The following NKAIN2 variants were observed in gnomAD, a reference collection of about 807,000 sequenced individuals.
NKAIN2 encodes the protein sodium/potassium-transporting ATPase subunit beta-1-interacting protein 2.
In NKAIN2, 14 loss-of-function variants were observed where a neutral mutation model predicts 32.6. The observed-to-expected ratio is 0.43, with a 90% CI of 0.28 to 0.67. NKAIN2 has a LOEUF of 0.67. NKAIN2 is among the 30% of genes least tolerant of loss of function. NKAIN2 has a pLI of 0.17. For missense variants in NKAIN2, 198 were observed against 258.3 expected (o/e 0.77, Z 1.60); for synonymous variants, 80 against 87.2 (o/e 0.92, Z 0.46).
intron 1 of NKAIN2, among the ~76,000 whole-genome samples, chr6:124,159,965 A>C (rs985640736): frequency 2.0e-5 from 3 of 152,152 alleles, no homozygotes; most frequent in African/African-American, 7.2e-5. Context: ...CTTTTTTCTT[A>C]CTACTCCTTT....
At chr6:124,721,744 GC>G (rs1486972518) in intron 4 of NKAIN2, among the ~76,000 whole-genome samples, 4 of 152,026 alleles carry the variant, frequency 2.6e-5, no homozygotes, top group Admixed American at 2.0e-4. Context: ...AGTGGCAATG[GC>G]CCGTTCACCC....
intron 1 of NKAIN2, among the ~76,000 whole-genome samples, chr6:123,978,119 A>G (rs1048273027): frequency 6.6e-6 from 1 of 152,146 alleles, no homozygotes; most frequent in Non-Finnish European, 1.5e-5. Context: ...TAAAAGCTTA[A>G]TTTTTTGGAA....
chr6:124,198,489 T>G (rs907844954), intron 1 of NKAIN2, among the ~76,000 whole-genome samples: 1 of 151,006 alleles, frequency 6.6e-6, no homozygotes, highest in South Asian at 2.1e-4. Context: ...TGAGTGAGAG[T>G]TTCTCTTCTT....
intron 3 of NKAIN2, among the ~76,000 whole-genome samples, chr6:124,533,492 T>A (rs1403246551): frequency 3.0e-3 from 128 of 43,184 alleles, no homozygotes; most frequent in African/African-American, 3.6e-3. Context: ...AAAAAAAAAA[T>A]CCTGCTGATT....
chr6:124,782,052 C>G (rs747407673), intron 4 of NKAIN2, among the ~76,000 whole-genome samples: 19 of 152,106 alleles, frequency 1.2e-4, no homozygotes, highest in Non-Finnish European at 2.5e-4. Flanking sequence ...ACATAAAATA[C>G]CTTTTCATAA....
At chr6:124,569,389 A>G (rs529751843) in intron 3 of NKAIN2, among the ~76,000 whole-genome samples, 1 of 152,172 alleles carries the variant, frequency 6.6e-6, no homozygotes, top group East Asian at 1.9e-4. Context: ...CTAACAGCTT[A>G]TAATGTGTTC....
intron 5 of NKAIN2, among the ~76,000 whole-genome samples, chr6:124,811,387 G>A (rs1780898863): frequency 6.6e-6 from 1 of 152,016 alleles, no homozygotes; most frequent in Admixed American, 6.6e-5. Context: ...TTGCCAACAT[G>A]TATTTAATAA....
chr6:124,238,602 G>A (rs906627032), intron 1 of NKAIN2, among the ~76,000 whole-genome samples: 31 of 152,118 alleles, frequency 2.0e-4, no homozygotes, highest in African/African-American at 7.5e-4. Flanking sequence ...CAACACAGAA[G>A]GCGGGTGATT....
chr6:124,687,200 ATGTATATATG>A (rs1258690971), intron 4 of NKAIN2, among the ~76,000 whole-genome samples: 1 of 146,768 alleles, frequency 6.8e-6, no homozygotes, highest in Non-Finnish European at 1.5e-5. Context: ...TACATATGGA[ATGTATATATG>A]TGTATATATG....
At chr6:124,666,737 G>A (rs755413226) in intron 4 of NKAIN2, among the ~76,000 whole-genome samples, 4 of 151,816 alleles carry the variant, frequency 2.6e-5, no homozygotes, top group African/African-American at 4.8e-5. Context: ...GTCAGATTAC[G>A]TTTAAGATTT....
intron 1 of NKAIN2, among the ~76,000 whole-genome samples, chr6:124,012,237 C>T (rs1237371786): frequency 6.6e-6 from 1 of 151,878 alleles, no homozygotes; most frequent in Non-Finnish European, 1.5e-5. Context: ...CAGATAATGA[C>T]TGATAATGCT....
chr6:124,115,245 TA>T (rs899585383), intron 1 of NKAIN2, among the ~76,000 whole-genome samples: 2 of 152,160 alleles, frequency 1.3e-5, no homozygotes, highest in Non-Finnish European at 2.9e-5. Context: ...TGATTTCCAA[TA>T]AATTTTTTCA....
At chr6:123,872,469 A>G (rs77712542) in intron 1 of NKAIN2, among the ~76,000 whole-genome samples, 3,643 of 152,310 alleles carry the variant, frequency 0.024, 87 homozygotes, top group East Asian at 0.1. Context: ...GGGATCCAGC[A>G]GCTTGAGGTA....
chr6:124,314,439 A>C (rs1000087627), intron 2 of NKAIN2, among the ~76,000 whole-genome samples: 16 of 152,150 alleles, frequency 1.1e-4, no homozygotes, highest in Non-Finnish European at 2.1e-4. Context: ...TGAGGTGCAG[A>C]GGGCTTATTT....
chr6:124,363,391 A>C (rs1799379422), intron 3 of NKAIN2, among the ~76,000 whole-genome samples: 1 of 152,158 alleles, frequency 6.6e-6, no homozygotes, highest in Non-Finnish European at 1.5e-5. Context: ...GCAGGAGGCT[A>C]AGTATTCAGG....
At chr6:124,514,914 C>T (rs1309767808) in intron 3 of NKAIN2, among the ~76,000 whole-genome samples, 7 of 152,116 alleles carry the variant, frequency 4.6e-5, no homozygotes, top group African/African-American at 1.7e-4. Context: ...CCTTTATCCA[C>T]TAAAAGCCTA....
intron 1 of NKAIN2, among the ~76,000 whole-genome samples, chr6:123,944,578 C>T (rs1776981631): frequency 6.6e-6 from 1 of 152,058 alleles, no homozygotes; most frequent in African/African-American, 2.4e-5. Flanking sequence ...AGCCTTATTC[C>T]ACATCCTGTG....
At chr6:124,804,101 T>G (rs969626732) in intron 5 of NKAIN2, among the ~76,000 whole-genome samples, 2 of 152,202 alleles carry the variant, frequency 1.3e-5, no homozygotes, top group African/African-American at 4.8e-5. Context: ...ACAGGTCTTC[T>G]GACTCCAAAG....
chr6:124,341,094 A>G (rs1798093897), intron 2 of NKAIN2, among the ~76,000 whole-genome samples: 1 of 152,208 alleles, frequency 6.6e-6, no homozygotes, highest in Admixed American at 6.5e-5. Flanking sequence ...TCTTAAGAAT[A>G]GTGTTTAAGC....
Sources: allele counts gnomAD v4.1 joint callset (sites outside exome capture counted in the v4.1 genomes callset), GRCh38; gene constraint gnomAD v4.1.1; transcripts MANE v1.5; gene names NCBI Gene and HGNC (gene_info 2026-07-23, HGNC 2026-07-21).